FGGY: variants seen among roughly 807,000 people sequenced by gnomAD.
FGGY encodes the protein FGGY carbohydrate kinase domain containing.
In FGGY, 72 loss-of-function variants were observed where a neutral mutation model predicts 71.3. The observed-to-expected ratio is 1.01, with a 90% CI of 0.84 to 1.23. The LOEUF (loss-of-function observed/expected upper bound fraction) is 1.23, where lower values mean the gene tolerates loss of function less well. FGGY is among the 50% of genes most tolerant of loss of function. The probability of loss-of-function intolerance (pLI) is 0.00; values close to 1 mark genes in which losing one functional copy is unlikely to be tolerated. For missense variants in FGGY, 668 were observed against 682.3 expected (o/e 0.98, Z 0.23); for synonymous variants, 251 against 250.3 (o/e 1.00, Z -0.02).
chr1:59,553,981 C>G (rs1003748539), intron 7 of FGGY, 143 bp from the exon 8 acceptor site: 2 of 585,066 alleles, frequency 3.4e-6, no homozygotes, highest in African/African-American at 3.7e-5. Flanking sequence ...TTGGGTTTCT[C>G]CTTGAGACTG....
intron 5 of FGGY, among the ~76,000 whole-genome samples, chr1:59,401,620 C>T (rs1053164683): frequency 1.3e-5 from 2 of 152,158 alleles, no homozygotes; most frequent in South Asian, 2.1e-4. Flanking sequence ...TGCCCAGAGT[C>T]GAATGGTTAA....
chr1:59,719,665 G>A (rs17119742), intron 14 of FGGY, among the ~76,000 whole-genome samples: 2,808 of 152,298 alleles, frequency 0.018, 85 homozygotes, highest in African/African-American at 0.064. Flanking sequence ...TCCATGCTGA[G>A]TGCAAATATG....
chr1:59,410,191 A>G (rs1363718277), intron 5 of FGGY, among the ~76,000 whole-genome samples: 1 of 152,242 alleles, frequency 6.6e-6, no homozygotes, highest in Non-Finnish European at 1.5e-5. Flanking sequence ...TATTTAAAGC[A>G]GAGGTAGGCT....
intron 14 of FGGY, among the ~76,000 whole-genome samples, chr1:59,709,466 T>TCACACACACACACACA (rs111353878): frequency 7.0e-5 from 10 of 142,772 alleles, no homozygotes; most frequent in African/African-American, 2.6e-4. Context: ...TGAAACTATA[T>TCACACACACACACACA]CACACACACA....
At chr1:59,509,584 T>C (rs1050106548) in intron 6 of FGGY, among the ~76,000 whole-genome samples, 1 of 152,106 alleles carries the variant, frequency 6.6e-6, no homozygotes, top group Non-Finnish European at 1.5e-5. Flanking sequence ...CAGCCTATGT[T>C]CCAATTTACC....
intron 7 of FGGY, among the ~76,000 whole-genome samples, chr1:59,543,603 A>T (rs965581174): frequency 6.6e-6 from 1 of 152,234 alleles, no homozygotes; most frequent in Admixed American, 6.5e-5. Context: ...TTCTGTTGCA[A>T]CCGAAACTCT....
At chr1:59,661,237 A>G (rs1178843333) in intron 12 of FGGY, among the ~76,000 whole-genome samples, 6 of 152,226 alleles carry the variant, frequency 3.9e-5, no homozygotes, top group African/African-American at 1.4e-4. Flanking sequence ...AACTATATGT[A>G]TATTTATTCA....
chr1:59,702,644 A>C (rs1573446559), intron 14 of FGGY, among the ~76,000 whole-genome samples: 1 of 152,152 alleles, frequency 6.6e-6, no homozygotes, highest in Non-Finnish European at 1.5e-5. Context: ...GAAAGTAGGG[A>C]CTAGATTCTA....
At chr1:59,696,987 A>G (rs979005380) in intron 14 of FGGY, among the ~76,000 whole-genome samples, 3 of 52,000 alleles carry the variant, frequency 5.8e-5, no homozygotes, top group Admixed American at 2.0e-4. Flanking sequence ...GTAAAATTAC[A>G]TGAAAAAAAA....
intron 8 of FGGY, among the ~76,000 whole-genome samples, chr1:59,583,793 T>G (rs1182000850): frequency 7.0e-6 from 1 of 141,958 alleles, no homozygotes; most frequent in Non-Finnish European, 1.5e-5. Context: ...AAGCCAAAGA[T>G]GTCAAAGAGA....
intron 10 of FGGY, among the ~76,000 whole-genome samples, chr1:59,633,156 G>A (rs1274415627): frequency 2.6e-5 from 4 of 151,828 alleles, no homozygotes; most frequent in East Asian, 1.9e-4. Context: ...GACTACAGGC[G>A]CCTGCCACCG....
chr1:59,691,948 G>T (rs570374548), intron 14 of FGGY, among the ~76,000 whole-genome samples: 6 of 152,194 alleles, frequency 3.9e-5, no homozygotes, highest in African/African-American at 7.2e-5. Flanking sequence ...ATCTCCAATG[G>T]CTAACAAGGA....
chr1:59,442,009 T>C (rs1425348980), intron 5 of FGGY, among the ~76,000 whole-genome samples: 1 of 152,182 alleles, frequency 6.6e-6, no homozygotes, highest in Non-Finnish European at 1.5e-5. Context: ...TTCCTTAATA[T>C]TCCCAGGTAG....
chr1:59,495,484 AATCT>A (rs2094002737), intron 6 of FGGY, among the ~76,000 whole-genome samples: 1 of 151,994 alleles, frequency 6.6e-6, no homozygotes, highest in South Asian at 2.1e-4. Context: ...CTAAGTCTTT[AATCT>A]ATCTTGAATT....
intron 14 of FGGY, among the ~76,000 whole-genome samples, chr1:59,704,255 G>C (rs2097735002): frequency 6.6e-6 from 1 of 152,050 alleles, no homozygotes; most frequent in Non-Finnish European, 1.5e-5. Context: ...AATCCTGGGA[G>C]AACAGCAGAT....
intron 9 of FGGY, among the ~76,000 whole-genome samples, chr1:59,616,785 T>C (rs933089261): frequency 1.3e-5 from 2 of 152,074 alleles, no homozygotes; most frequent in African/African-American, 4.8e-5. Flanking sequence ...TTTGAAGGCT[T>C]GTTTCCAATC....
chr1:59,672,923 G>A (rs1200322507), intron 13 of FGGY, among the ~76,000 whole-genome samples: 1 of 151,990 alleles, frequency 6.6e-6, no homozygotes, highest in East Asian at 1.9e-4. Context: ...TCAACCTCTG[G>A]GCATTGGCAT....
chr1:59,542,234 G>A (rs1380610342), intron 7 of FGGY, among the ~76,000 whole-genome samples: 1 of 152,124 alleles, frequency 6.6e-6, no homozygotes, highest in African/African-American at 2.4e-5. Flanking sequence ...TGGCTCCTCA[G>A]GAGATTACAA....
chr1:59,524,259 G>A (rs1037148632), intron 7 of FGGY, among the ~76,000 whole-genome samples: 7 of 152,196 alleles, frequency 4.6e-5, no homozygotes, highest in Admixed American at 6.5e-5. Flanking sequence ...GACCTTGGGC[G>A]CCAACGAGCA....
Sources: allele counts gnomAD v4.1 joint callset (sites outside exome capture counted in the v4.1 genomes callset), GRCh38; gene constraint gnomAD v4.1.1; transcripts MANE v1.5; gene names NCBI Gene and HGNC (gene_info 2026-07-23, HGNC 2026-07-21).